CFAP91: variants seen among roughly 807,000 people sequenced by gnomAD.
CFAP91 encodes the protein cilia and flagella associated protein 91, also known as cilia- and flagella-associated protein 91.
In CFAP91, 85 loss-of-function variants were observed where a neutral mutation model predicts 95.9. The ratio of observed to expected loss-of-function variants is 0.89; its 90% CI spans 0.74 to 1.06. The LOEUF is 1.06. CFAP91 is among the 50% of genes least tolerant of loss of function. The pLI is 0.00. For missense variants in CFAP91, 962 were observed against 943.4 expected (o/e 1.02, Z -0.26); for synonymous variants, 335 against 327.5 (o/e 1.02, Z -0.25).
intron 10 of CFAP91, among the ~76,000 whole-genome samples, chr3:119,736,008 G>T (rs2053994622): frequency 6.6e-6 from 1 of 151,482 alleles, no homozygotes. Context: ...ATGTCTGCTG[G>T]CCATGAATTC....
At chr3:119,714,382 A>AAAAG (rs1553705764) in intron 5 of CFAP91, among the ~76,000 whole-genome samples, 1,348 of 128,054 alleles carry the variant, frequency 0.011, 167 homozygotes, top group Middle Eastern at 0.048. Flanking sequence ...AAAAAAAAAA[A>AAAAG]AAAGAAAGAA....
At chr3:119,731,357 C>A (rs1277028250) in intron 8 of CFAP91, among the ~76,000 whole-genome samples, 1 of 152,096 alleles carries the variant, frequency 6.6e-6, no homozygotes, top group Non-Finnish European at 1.5e-5. Context: ...AAAACAATCA[C>A]AAAAACAAAT....
At chr3:119,749,874 A>G (rs763389168) in intron 16 of CFAP91, among the ~76,000 whole-genome samples, 2 of 152,244 alleles carry the variant, frequency 1.3e-5, no homozygotes, top group Non-Finnish European at 2.9e-5. Flanking sequence ...ATAGATATAA[A>G]GTAATAGTAA....
At position 119,715,628 on chromosome 3, in the gene CFAP91, G is replaced by A. The variant is rs560430820; in HGVS notation, c.567G>A (p.Val189=). The stretch of plus-strand genomic sequence containing the variant: ...TATCCATCCCTTCAAAGTCTACTGT[G>A]GGCACTCAGACTGATTATCGGGATG... The part of the protein sequence containing the change: ...KHLSIPSKST[V]GTQTDYRDAD... The change falls in exon 6 of 18, where the codon GTG becomes GTA. Residue 189 remains valine, a synonymous_variant. Transcript: ENST00000273390. 6.2e-7 allele frequency: 1 copy of A among 1,613,554 alleles called. No individual in the cohort carries two copies. The highest frequency in any genetic ancestry group is 1.1e-5 in the South Asian group (1 of 91,064).
chr3:119,731,886 C>G (rs2053905070), intron 8 of CFAP91, among the ~76,000 whole-genome samples: 1 of 152,194 alleles, frequency 6.6e-6, no homozygotes, highest in South Asian at 2.1e-4. Context: ...CCAAGATGAA[C>G]CTGTAGTCTT....
At chr3:119,703,389 G>C in intron 1 of CFAP91, 167 bp downstream of exon 1, 2 of 1,041,742 alleles carry the variant, frequency 1.9e-6, no homozygotes, top group South Asian at 3.2e-5. Context: ...GAGCCCTCCA[G>C]GTGGCCGCAC....
intron 6 of CFAP91, among the ~76,000 whole-genome samples, chr3:119,718,107 G>A (rs2053614336): frequency 1.3e-5 from 2 of 152,186 alleles, no homozygotes; most frequent in South Asian, 4.1e-4. Flanking sequence ...AGCACACAAG[G>A]AACAGAGACA....
chr3:119,717,106 G>A (rs2053590246), intron 6 of CFAP91, among the ~76,000 whole-genome samples: 2 of 152,242 alleles, frequency 1.3e-5, no homozygotes, highest in African/African-American at 4.8e-5. Flanking sequence ...TTGGTGGTGA[G>A]TAGGAGCTGT....
At chr3:119,724,529 C>CAT (rs1447373360) in intron 6 of CFAP91, among the ~76,000 whole-genome samples, 2 of 151,986 alleles carry the variant, frequency 1.3e-5, no homozygotes, top group East Asian at 3.9e-4. Context: ...TATGTAGATA[C>CAT]ATATATATAC....
At chr3:119,730,601 A>AGTGTGTGTGTGTGTGTGTGTGT in intron 8 of CFAP91, among the ~76,000 whole-genome samples, 1 of 137,110 alleles carries the variant, frequency 7.3e-6, no homozygotes, top group East Asian at 2.2e-4. Flanking sequence ...TTACTGAGAT[A>AGTGTGTGTGTGTGTGTGTGTGT]GTGTGTGTGT....
intron 1 of CFAP91, 147 bp downstream of exon 1, chr3:119,703,369 G>A (rs2053295260): frequency 4.7e-6 from 6 of 1,289,096 alleles, no homozygotes; most frequent in Non-Finnish European, 6.4e-6. Context: ...GGTCGGGTGG[G>A]GGCAGCTCCG....
Position 119,744,152 on chromosome 3 carries a change from G to C in CFAP91, c.1858G>C (p.Val620Leu). The C allele has an allele frequency of 6.2e-7, 1 of 1,613,890 alleles. No homozygotes were observed. Among genetic ancestry groups the C allele is most frequent in the South Asian group, 1.1e-5 (1 of 91,072 alleles). ...GGCTGAAGAGAGTGGTCGGCGCCAG[G>C]TGGAAAAACAGCGCCTGCGGGAGGA... ...REAEESGRRQ[V>L]EKQRLREEDE... The change falls in exon 14 of 18, where the codon GTG (valine) becomes CTG (leucine). Residue 620 changes from valine (V) to leucine (L), a missense_variant. Transcript: ENST00000273390.
At chr3:119,746,515 T>G (rs1241181630) in intron 14 of CFAP91, among the ~76,000 whole-genome samples, 1 of 152,228 alleles carries the variant, frequency 6.6e-6, no homozygotes, top group East Asian at 1.9e-4. Context: ...TTAAGATGAT[T>G]GCTGGTATTC....
intron 6 of CFAP91, among the ~76,000 whole-genome samples, chr3:119,724,939 T>C (rs760759632): frequency 3.9e-4 from 59 of 152,206 alleles, no homozygotes; most frequent in Non-Finnish European, 7.6e-4. Flanking sequence ...AAACAAGAGA[T>C]AGTGAATTCA....
intron 17 of CFAP91, among the ~76,000 whole-genome samples, chr3:119,761,642 A>C (rs981603194): frequency 6.6e-6 from 1 of 151,970 alleles, no homozygotes; most frequent in Non-Finnish European, 1.5e-5. Context: ...TTTCACTATG[A>C]TCAAGTGGGA....
intron 5 of CFAP91, among the ~76,000 whole-genome samples, chr3:119,711,950 G>C (rs1447578455): frequency 6.6e-6 from 1 of 152,266 alleles, no homozygotes; most frequent in Non-Finnish European, 1.5e-5. Flanking sequence ...CTGTAGGTAT[G>C]GCAGACAGTG....
Position 119,707,462 on chromosome 3 carries a change from C to T in CFAP91, c.260C>T (p.Ser87Phe). ...FSNLIHYPRY[S>F]LYWSKSDPVP... ...AACCTGATCCATTATCCAAGATATT[C>T]TCTATATTGGAGCAAGTCAGATCCT... The change falls in exon 3 of 18, where the codon TCT becomes TTT. Residue 87 changes from serine (S) to phenylalanine (F), a missense_variant. Coordinates refer to ENST00000273390, the MANE Select transcript of CFAP91 (RefSeq NM_033364.4). 6.3e-7 allele frequency: 1 copy of T among 1,593,090 alleles called. No homozygotes were observed. Among genetic ancestry groups the T allele is most frequent in the Admixed American group, 1.7e-5 (1 of 59,746 alleles).
chr3:119,720,266 G>A (rs1282818175), intron 6 of CFAP91, among the ~76,000 whole-genome samples: 8 of 150,164 alleles, frequency 5.3e-5, no homozygotes, highest in Admixed American at 3.3e-4. Context: ...GCGCGGTGGC[G>A]GGCGCCCGTA....
intron 11 of CFAP91, 143 bp from the exon 12 acceptor site, chr3:119,739,112 G>A (rs1389261660): frequency 1.4e-6 from 1 of 700,986 alleles, no homozygotes; most frequent in African/African-American, 1.8e-5. Context: ...GTTCAATAAG[G>A]GCAGGGACCA....
Sources: allele counts gnomAD v4.1 joint callset (sites outside exome capture counted in the v4.1 genomes callset), GRCh38; gene constraint gnomAD v4.1.1; transcripts MANE v1.5; gene names NCBI Gene and HGNC (gene_info 2026-07-23, HGNC 2026-07-21).